NRXN1: variants seen among roughly 807,000 people sequenced by gnomAD.
The protein encoded by NRXN1 is neurexin-1.
In NRXN1, 39 loss-of-function variants were observed where a neutral mutation model predicts 150.9. The ratio of observed to expected loss-of-function variants is 0.26; its 90% confidence interval spans 0.20 to 0.34. The LOEUF (loss-of-function observed/expected upper bound fraction) is 0.34, where lower values mean the gene tolerates loss of function less well. NRXN1 is among the 10% of genes least tolerant of loss of function. NRXN1 has a pLI of 1.00. For synonymous variants in NRXN1, 924 were observed against 757.0 expected (o/e 1.22, Z -3.62); for missense variants, 1,815 against 1,949.9 (o/e 0.93, Z 1.30).
At chr2:50,496,175 A>AT (rs1440505264) in intron 14 of NRXN1, 80 bp from the exon 15 acceptor site, 66 of 1,126,086 alleles carry the variant, frequency 5.9e-5, no homozygotes, top group South Asian at 1.1e-4. Flanking sequence ...ACAAATGGAG[A>AT]TTTTTTTTCA....
intron 18 of NRXN1, among the ~76,000 whole-genome samples, chr2:50,144,197 T>G (rs1707682112): frequency 6.6e-6 from 1 of 151,868 alleles, no homozygotes; most frequent in South Asian, 2.1e-4. Flanking sequence ...ACCTTTCAGT[T>G]TCTGCTCTTT....
At chr2:50,774,332 A>G (rs1465833130) in intron 5 of NRXN1, among the ~76,000 whole-genome samples, 1 of 152,170 alleles carries the variant, frequency 6.6e-6, no homozygotes, top group Non-Finnish European at 1.5e-5. Context: ...TAATCATAAA[A>G]TTAAACACAT....
chr2:50,387,315 G>T (rs1333229178), intron 17 of NRXN1, among the ~76,000 whole-genome samples: 2 of 152,118 alleles, frequency 1.3e-5, no homozygotes, highest in African/African-American at 4.8e-5. Flanking sequence ...GGACTTCAGG[G>T]TGGGTGGGGT....
intron 18 of NRXN1, among the ~76,000 whole-genome samples, chr2:50,232,595 T>A (rs953726065): frequency 2.6e-5 from 4 of 151,634 alleles, no homozygotes; most frequent in African/African-American, 9.7e-5. Context: ...CCTTGTTGGC[T>A]AGCATAGTCT....
chr2:50,636,477 C>A (rs1480752020), intron 5 of NRXN1, among the ~76,000 whole-genome samples: 1 of 152,126 alleles, frequency 6.6e-6, no homozygotes, highest in Non-Finnish European at 1.5e-5. Flanking sequence ...ATTTATTGAG[C>A]CACTGTTTCA....
chr2:50,861,392 A>G (rs1189390678), intron 5 of NRXN1, among the ~76,000 whole-genome samples: 1 of 152,028 alleles, frequency 6.6e-6, no homozygotes, highest in Non-Finnish European at 1.5e-5. Flanking sequence ...TACTTTATTT[A>G]GTTTCAAACT....
At chr2:50,147,706 A>C (rs1444899082) in intron 18 of NRXN1, among the ~76,000 whole-genome samples, 2 of 151,738 alleles carry the variant, frequency 1.3e-5, no homozygotes, top group Non-Finnish European at 3.0e-5. Context: ...AGAAGATAAA[A>C]ACCACTTAGT....
chr2:50,827,923 T>C (rs1393462209), intron 5 of NRXN1, among the ~76,000 whole-genome samples: 3 of 144,884 alleles, frequency 2.1e-5, no homozygotes, highest in African/African-American at 5.0e-5. Flanking sequence ...GGTTTGGGGG[T>C]AAGGTCACAG....
chr2:50,833,466 C>T (rs1671686720), intron 5 of NRXN1, among the ~76,000 whole-genome samples: 1 of 152,096 alleles, frequency 6.6e-6, no homozygotes, highest in African/African-American at 2.4e-5. Context: ...ATAATACATA[C>T]CAATAAAAAG....
chr2:50,464,924 G>A (rs1347949677), intron 17 of NRXN1, among the ~76,000 whole-genome samples: 1 of 151,742 alleles, frequency 6.6e-6, no homozygotes, highest in African/African-American at 2.4e-5. Flanking sequence ...AGGATTTTAA[G>A]GGGAAAAACA....
At chr2:50,775,556 G>A (rs1191240867) in intron 5 of NRXN1, among the ~76,000 whole-genome samples, 2 of 152,046 alleles carry the variant, frequency 1.3e-5, no homozygotes, top group Admixed American at 1.3e-4. Flanking sequence ...TTATGACTTT[G>A]CAGATAACAA....
At chr2:50,452,904 G>A (rs546963621) in intron 17 of NRXN1, among the ~76,000 whole-genome samples, 4 of 152,284 alleles carry the variant, frequency 2.6e-5, no homozygotes, top group Non-Finnish European at 5.9e-5. Flanking sequence ...ACACTGGAGG[G>A]AAAATTTTGC....
chr2:50,288,990 G>A (rs1030880775), intron 17 of NRXN1, among the ~76,000 whole-genome samples: 4 of 150,462 alleles, frequency 2.7e-5, no homozygotes, highest in Middle Eastern at 3.2e-3. Flanking sequence ...AGAGAAGCTC[G>A]TAAGAAAGGT....
At chr2:50,481,990 G>A (rs574187224) in intron 15 of NRXN1, among the ~76,000 whole-genome samples, 34 of 149,180 alleles carry the variant, frequency 2.3e-4, no homozygotes, top group Admixed American at 1.6e-3. Context: ...GGATGGTCTC[G>A]ATCTCCTGAC....
chr2:49,928,515 T>C (rs867762097), intron 22 of NRXN1, among the ~76,000 whole-genome samples: 19 of 152,142 alleles, frequency 1.2e-4, no homozygotes, highest in African/African-American at 4.3e-4. Flanking sequence ...GGGGGAAGAT[T>C]TGACTTTTCC....
intron 17 of NRXN1, among the ~76,000 whole-genome samples, chr2:50,435,805 G>T (rs114186333): frequency 6.6e-6 from 1 of 152,078 alleles, no homozygotes; most frequent in Non-Finnish European, 1.5e-5. Flanking sequence ...CCTTCTTGAG[G>T]GTGGAGGGAA....
intron 5 of NRXN1, among the ~76,000 whole-genome samples, chr2:50,720,589 T>TA (rs2105117735): frequency 6.6e-6 from 1 of 152,336 alleles, no homozygotes; most frequent in African/African-American, 2.4e-5. Context: ...TCATGGGACT[T>TA]AGTGTTTTCC....
intron 15 of NRXN1, among the ~76,000 whole-genome samples, chr2:50,490,870 G>C (rs1270372447): frequency 6.6e-6 from 1 of 152,098 alleles, no homozygotes. Flanking sequence ...AGGGTTTCTT[G>C]TCTGTCTTAC....
intron 5 of NRXN1, among the ~76,000 whole-genome samples, chr2:50,896,409 A>G (rs1439133350): frequency 6.6e-6 from 1 of 152,220 alleles, no homozygotes; most frequent in Non-Finnish European, 1.5e-5. Context: ...CTGCAGAGAC[A>G]AACAAGGAAA....
Sources: gnomAD v4.1 joint callset for allele counts (sites outside exome capture counted in the v4.1 genomes callset) on GRCh38, gnomAD v4.1.1 for gene constraint, MANE v1.5 for transcripts, NCBI Gene and HGNC (gene_info 2026-07-23, HGNC 2026-07-21) for gene names.